C12orf60: variants seen among roughly 807,000 people sequenced by gnomAD.
C12orf60 encodes chromosome 12 open reading frame 60.
For synonymous variants in C12orf60, 102 were observed against 94.6 expected (o/e 1.08, Z -0.45); for missense variants, 284 against 283.2 (o/e 1.00, Z -0.02).
At chr12:14,807,961 T>G (rs1950079217) in intron 1 of C12orf60, among the ~76,000 whole-genome samples, 1 of 151,204 alleles carries the variant, frequency 6.6e-6, no homozygotes, top group African/African-American at 2.4e-5. Context: ...AGGCCAGGAG[T>G]TCAAGACCAG....
At chr12:14,815,790 G>A (rs1950206193) in intron 1 of C12orf60, among the ~76,000 whole-genome samples, 1 of 152,128 alleles carries the variant, frequency 6.6e-6, no homozygotes, top group African/African-American at 2.4e-5. Flanking sequence ...GGCTATTGTT[G>A]AAGAGTACCA....
chr12:14,815,614 G>A (rs571177121), intron 1 of C12orf60, among the ~76,000 whole-genome samples: 23 of 152,230 alleles, frequency 1.5e-4, no homozygotes, highest in Middle Eastern at 3.4e-3. Context: ...TTTAATTATG[G>A]TGTAATATTT....
intron 1 of C12orf60, among the ~76,000 whole-genome samples, chr12:14,820,561 A>G (rs886861355): frequency 1.3e-5 from 2 of 151,942 alleles, no homozygotes; most frequent in Admixed American, 6.6e-5. Flanking sequence ...AATAATTTCT[A>G]TATTTTTGTG....
chr12:14,812,361 A>G (rs10846061), intron 1 of C12orf60, among the ~76,000 whole-genome samples: 77,941 of 152,014 alleles, frequency 0.51, 20,508 homozygotes, highest in African/African-American at 0.61. Flanking sequence ...GGAGAATGGC[A>G]TGAGCCTGGG....
In C12orf60 at chr12:14,824,011, A is replaced by C. The variant is rs1418457888; in HGVS notation, c.*338A>C. ...TCCCACTCTTAACTATTCTATTTCC[A>C]GTGAGAAATCCAGGTAAACTGTAAA... On this transcript the variant is annotated 3_prime_UTR_variant, in exon 2 of 2. Coordinates refer to ENST00000330828, the MANE Select transcript of C12orf60 (RefSeq NM_175874.4). 1 of 161,680 alleles carries C rather than the reference A, an allele frequency of 6.2e-6. No individual in the cohort carries two copies. The highest frequency in any genetic ancestry group is 1.3e-5 in the Non-Finnish European group (1 of 74,454). 10.0% of individuals were successfully genotyped at this position (161,680 alleles called of 1,614,324 possible).
At chr12:14,814,081 A>G (rs1364584988) in intron 1 of C12orf60, 2 of 152,202 alleles carry the variant, frequency 1.3e-5, no homozygotes, top group Non-Finnish European at 2.9e-5. Context: ...CTACTGAGAA[A>G]CAGAGTATTA....
At chr12:14,814,104 T>C (rs987798754) in intron 1 of C12orf60, 22 of 152,378 alleles carry the variant, frequency 1.4e-4, no homozygotes, top group Admixed American at 1.2e-3. Context: ...TCAATACTAA[T>C]AGAAATATCC....
chr12:14,815,125 A>T (rs1196463405), intron 1 of C12orf60, among the ~76,000 whole-genome samples: 1 of 152,160 alleles, frequency 6.6e-6, no homozygotes, highest in Non-Finnish European at 1.5e-5. Flanking sequence ...GGAGAGGAGA[A>T]TGGGTGGGTA....
At position 14,823,329 on chromosome 12, in the gene C12orf60, A is replaced by G. The variant is rs922457354; in HGVS notation, c.394A>G (p.Ile132Val). Residue 132 changes from isoleucine (I) to valine (V), a missense_variant, in exon 2 of 2, where the codon ATC (isoleucine) becomes GTC (valine). Coordinates refer to ENST00000330828, the MANE Select transcript of C12orf60 (RefSeq NM_175874.4). ...VIISVLNSSN[I>V]LGSLESSLSH... ...CATCTCTGTGCTAAACAGCAGTAACATCCTTGGGAGTCTGGAATCTTCTCT... is the reference window on the plus strand; with the variant it reads ...CATCTCTGTGCTAAACAGCAGTAACGTCCTTGGGAGTCTGGAATCTTCTCT... 4.3e-6 allele frequency: 7 copies of G among 1,614,024 alleles called. No individual in the cohort carries two copies. Among genetic ancestry groups the G allele is most frequent in the African/African-American group, 1.3e-5 (1 of 74,908 alleles).
chr12:14,823,100 C>T lies in C12orf60; in HGVS notation c.165C>T (p.Tyr55=). The T allele has an allele frequency of 6.2e-7, 1 of 1,614,070 alleles. No individual in the cohort carries two copies. Among genetic ancestry groups the T allele is most frequent in the South Asian group, 1.1e-5 (1 of 91,076 alleles). Residue 55 remains tyrosine (Y), a synonymous_variant, in exon 2 of 2, where the codon TAC becomes TAT. Coordinates refer to ENST00000330828, the MANE Select transcript of C12orf60 (RefSeq NM_175874.4). ...TGATGGCTGTGAAAAACAATAGTTA[C>T]ATTAAGGATTTTTTTGAGCAAATGC... ...ILLMAVKNNS[Y]IKDFFEQMLK... is the part of the protein sequence containing the mutation.
At chr12:14,822,765 C>G in intron 1 of C12orf60, 147 bp from the exon 2 acceptor site, 2 of 602,688 alleles carry the variant, frequency 3.3e-6, no homozygotes, top group South Asian at 5.7e-5. Context: ...TTTATTGAAG[C>G]ATAGTACCAT....
chr12:14,821,445 C>A (rs1292984722), intron 1 of C12orf60, among the ~76,000 whole-genome samples: 1 of 152,122 alleles, frequency 6.6e-6, no homozygotes, highest in Non-Finnish European at 1.5e-5. Context: ...TAAGTTGGGG[C>A]CACATCACCT....
intron 1 of C12orf60, chr12:14,806,398 G>C: frequency 6.2e-7 from 1 of 1,614,168 alleles, no homozygotes; most frequent in Admixed American, 1.7e-5. Flanking sequence ...TTTCTATAGA[G>C]GGTTGGCTCT....
chr12:14,805,970 G>A (rs759286011), intron 1 of C12orf60: 1 of 1,557,844 alleles, frequency 6.4e-7, no homozygotes. Context: ...AAAGGAAGCA[G>A]AAAAACACTT....
chr12:14,821,056 T>C (rs1950297584), intron 1 of C12orf60, among the ~76,000 whole-genome samples: 1 of 152,164 alleles, frequency 6.6e-6, no homozygotes, highest in African/African-American at 2.4e-5. Flanking sequence ...TAGTTATTAC[T>C]TCTAGAAATG....
intron 1 of C12orf60, among the ~76,000 whole-genome samples, chr12:14,818,715 G>A (rs1950261930): frequency 6.6e-6 from 1 of 152,162 alleles, no homozygotes; most frequent in Admixed American, 6.5e-5. Context: ...GGTTGGGGGC[G>A]GAGGTTGCAG....
chr12:14,810,661 T>C (rs1950122369), intron 1 of C12orf60, among the ~76,000 whole-genome samples: 1 of 152,232 alleles, frequency 6.6e-6, no homozygotes, highest in South Asian at 2.1e-4. Flanking sequence ...ATATATAATA[T>C]ATTGGCACTG....
intron 1 of C12orf60, among the ~76,000 whole-genome samples, chr12:14,808,450 C>T (rs1273457230): frequency 6.6e-6 from 1 of 152,146 alleles, no homozygotes; most frequent in African/African-American, 2.4e-5. Context: ...GAATCTGGCA[C>T]AGCCTCTTTT....
In C12orf60 at chr12:14,823,763, CAT is replaced by C. The variant is rs1368026051; in HGVS notation, c.*91_*92del. 2.4e-5 allele frequency: 30 copies of C among 1,255,198 alleles called. No homozygotes were observed. Among genetic ancestry groups the C allele is most frequent in the African/African-American group, 1.5e-4 (10 of 66,266 alleles). 77.8% of individuals were successfully genotyped at this position (1,255,198 alleles called of 1,614,324 possible). On this transcript the variant is annotated 3_prime_UTR_variant, in exon 2 of 2. Transcript: ENST00000330828. ...GTTTCTAAGATCTTTTGGTGCCAAACATGTGCTATGTTAGAACATAAGTACAC... is the reference window on the plus strand; with the variant it reads ...GTTTCTAAGATCTTTTGGTGCCAAACGTGCTATGTTAGAACATAAGTACAC...
Sources: allele counts gnomAD v4.1 joint callset (sites outside exome capture counted in the v4.1 genomes callset), GRCh38; gene constraint gnomAD v4.1.1; transcripts MANE v1.5; gene names NCBI Gene and HGNC (gene_info 2026-07-23, HGNC 2026-07-21).